Variants in DNAH11 observed in about 807,000 individuals in gnomAD.
The protein encoded by DNAH11 is axonemal beta dynein heavy chain 11.
DNAH11 carries 442 observed loss-of-function variants against 526.0 expected under a neutral mutation model. The ratio of observed to expected loss-of-function variants is 0.84; its 90% CI spans 0.78 to 0.91. DNAH11 has a LOEUF of 0.91. DNAH11 is among the 40% of genes least tolerant of loss of function. DNAH11 has a pLI of 0.00. For missense variants in DNAH11, 6,989 were observed against 5,448.7 expected (o/e 1.28, Z -8.90); for synonymous variants, 2,461 against 1,935.9 (o/e 1.27, Z -7.12).
At chr7:21,735,204 C>T (rs750550596) in intron 45 of DNAH11, among the ~76,000 whole-genome samples, 11 of 152,122 alleles carry the variant, frequency 7.2e-5, no homozygotes, top group African/African-American at 2.7e-4. Flanking sequence ...AGGCATTGGT[C>T]CCGATTTTCA....
chr7:21,896,302 G>T (rs1010310767), intron 79 of DNAH11, among the ~76,000 whole-genome samples: 24 of 152,028 alleles, frequency 1.6e-4, no homozygotes, highest in African/African-American at 5.6e-4. Context: ...AAATCATCTT[G>T]TGTTTCTGAA....
intron 56 of DNAH11, among the ~76,000 whole-genome samples, chr7:21,776,839 A>T (rs541661398): frequency 6.5e-4 from 99 of 152,320 alleles, no homozygotes; most frequent in African/African-American, 2.3e-3. Flanking sequence ...TATAGGTTCA[A>T]TGGTAGCATC....
At chr7:21,775,959 C>T (rs1446111085) in intron 56 of DNAH11, among the ~76,000 whole-genome samples, 1 of 152,172 alleles carries the variant, frequency 6.6e-6, no homozygotes, top group East Asian at 1.9e-4. Flanking sequence ...AGTGCTTCTG[C>T]CATACTTAAA....
At chr7:21,795,093 T>A (rs10270774) in intron 61 of DNAH11, among the ~76,000 whole-genome samples, 56,051 of 151,948 alleles carry the variant, frequency 0.37, 10,951 homozygotes, top group East Asian at 0.73. Flanking sequence ...GAAGCCAGAT[T>A]ACTTCCACTC....
At chr7:21,676,889 T>G (rs1410673089) in intron 30 of DNAH11, among the ~76,000 whole-genome samples, 1 of 152,214 alleles carries the variant, frequency 6.6e-6, no homozygotes, top group Non-Finnish European at 1.5e-5. Context: ...GTATATTAAT[T>G]TTCCCTAGAA....
intron 30 of DNAH11, among the ~76,000 whole-genome samples, chr7:21,668,233 G>A (rs1354611032): frequency 1.3e-5 from 2 of 152,110 alleles, no homozygotes; most frequent in Admixed American, 6.6e-5. Context: ...GGTAATGACT[G>A]CCCTTTGTTC....
intron 76 of DNAH11, among the ~76,000 whole-genome samples, chr7:21,885,388 C>T (rs571355292): frequency 1.3e-5 from 2 of 151,278 alleles, no homozygotes; most frequent in South Asian, 4.2e-4. Flanking sequence ...TGTTCTCACA[C>T]ACATAAAGAC....
At position 21,591,202 on chromosome 7, in the gene DNAH11, C is replaced by T; in HGVS notation, c.2292C>T (p.Asp764=). 6.5e-7 allele frequency: 1 copy of T among 1,545,730 alleles called. No individual in the cohort carries two copies. The change falls in exon 14 of 82, where the codon GAC becomes GAT. Residue 764 remains aspartate (D), a synonymous_variant. Coordinates refer to ENST00000409508, the MANE Select transcript of DNAH11 (RefSeq NM_001277115.2). The part of the protein sequence containing the change: ...NTILKYIGNL[D]LLVQGYNKLK... Reference sequence around the variant, plus strand: ...TTGCTCAGTACATTGGAAATCTTGACCTTCTTGTGCAAGGGTATAATAAAC... The same window carrying T: ...TTGCTCAGTACATTGGAAATCTTGATCTTCTTGTGCAAGGGTATAATAAAC...
intron 60 of DNAH11, 115 bp downstream of exon 60, chr7:21,787,698 A>G (rs1180424294): frequency 1.1e-6 from 1 of 904,998 alleles, no homozygotes; most frequent in Non-Finnish European, 1.6e-6. Flanking sequence ...GAATAAGGAT[A>G]TGTAGTTCTA....
intron 5 of DNAH11, 54 bp from the exon 6 acceptor site, chr7:21,564,132 G>GAA (rs60940743): frequency 0.012 from 12,961 of 1,121,900 alleles, no homozygotes; most frequent in South Asian, 0.014. Context: ...AGTGAATTTA[G>GAA]AAAAAAAAAA....
rs1786081086 is a variant in DNAH11, at chr7:21,745,014, C to T, written c.8461C>T (p.Leu2821=). 1 of 1,610,034 alleles carries T rather than the reference C, an allele frequency of 6.2e-7. No homozygotes were observed. Among genetic ancestry groups the T allele is most frequent in the African/African-American group, 1.3e-5 (1 of 74,912 alleles). Residue 2821 remains leucine, a synonymous_variant, in exon 51 of 82, where the codon CTA becomes TTA. Transcript: ENST00000409508. ...AGAAACGTTAGACAACTACAATGAA[C>T]TAAATGCTGCCATGCACCTAGTTTT... is the stretch of plus-strand genomic sequence containing the variant. ...LTETLDNYNE[L]NAAMHLVLFE... is the part of the protein sequence containing the mutation.
intron 68 of DNAH11, among the ~76,000 whole-genome samples, chr7:21,860,149 G>C (rs957988984): frequency 6.6e-6 from 1 of 152,050 alleles, no homozygotes; most frequent in Non-Finnish European, 1.5e-5. Flanking sequence ...CTCCAGGCTG[G>C]ATGACAGAAT....
chr7:21,890,721 C>A (rs1784298159), intron 76 of DNAH11, among the ~76,000 whole-genome samples: 1 of 152,020 alleles, frequency 6.6e-6, no homozygotes, highest in Non-Finnish European at 1.5e-5. Context: ...TTTTGGTCGC[C>A]CTGAGCCAGG....
At chr7:21,891,793 C>A (rs969942004) in intron 76 of DNAH11, among the ~76,000 whole-genome samples, 2 of 152,042 alleles carry the variant, frequency 1.3e-5, no homozygotes, top group Non-Finnish European at 2.9e-5. Context: ...AGCTCAAAGT[C>A]CTGGGAAGGT....
At chr7:21,898,370 C>T (rs4636103) in intron 79 of DNAH11, among the ~76,000 whole-genome samples, 49,709 of 152,030 alleles carry the variant, frequency 0.33, 8,744 homozygotes, top group Non-Finnish European at 0.4. Flanking sequence ...GCATTCTGAG[C>T]CTTTTCTTCT....
At chr7:21,710,972 A>G (rs1231652439) in intron 41 of DNAH11, among the ~76,000 whole-genome samples, 2 of 152,180 alleles carry the variant, frequency 1.3e-5, no homozygotes, top group African/African-American at 4.8e-5. Context: ...AGATCTTACC[A>G]CTTTCTAAGA....
chr7:21,847,737 G>T (rs1219081921), intron 66 of DNAH11, among the ~76,000 whole-genome samples: 1 of 152,146 alleles, frequency 6.6e-6, no homozygotes, highest in African/African-American at 2.4e-5. Context: ...TTTGCCTGCT[G>T]GATCTGTCAA....
In DNAH11 at chr7:21,619,968, A is replaced by G. The variant is rs2128454118; in HGVS notation, c.4390A>G (p.Ile1464Val). 1.9e-6 allele frequency: 3 copies of G among 1,600,018 alleles called. No homozygotes were observed. The highest frequency in any genetic ancestry group is 2.6e-6 in the Non-Finnish European group (3 of 1,175,470). Residue 1464 changes from isoleucine to valine, a missense_variant, in exon 25 of 82, where the codon ATC becomes GTC. Transcript: ENST00000409508. Reference protein sequence around the residue: ...ELGTEKVITEISQTWATMKFS... With the variant: ...ELGTEKVITEVSQTWATMKFS... ...TGTTGATTACTAGGTTATTACTGAA[A>G]TCAGTCAGACCTGGGCAACCATGAA...
At chr7:21,623,268 C>T (rs1404984905) in intron 25 of DNAH11, among the ~76,000 whole-genome samples, 2 of 151,820 alleles carry the variant, frequency 1.3e-5, no homozygotes, top group Non-Finnish European at 2.9e-5. Context: ...CAATGAGATA[C>T]CATCTCACAC....
Sources: gnomAD v4.1 joint callset for allele counts (sites outside exome capture counted in the v4.1 genomes callset) on GRCh38, gnomAD v4.1.1 for gene constraint, MANE v1.5 for transcripts, NCBI Gene and HGNC (gene_info 2026-07-23, HGNC 2026-07-21) for gene names.